Variants in ANGPT4 observed in about 807,000 individuals in gnomAD.
ANGPT4 encodes the protein angiopoietin 4, also known as angiopoietin-4.
A neutral mutation model predicts 53.0 loss-of-function variants in ANGPT4; 50 were observed. The ratio of observed to expected loss-of-function variants is 0.94; its 90% CI spans 0.75 to 1.20. The LOEUF is 1.20. ANGPT4 is among the 50% of genes most tolerant of loss of function. The probability of loss-of-function intolerance (pLI) is 0.00; values close to 1 mark genes in which losing one functional copy is unlikely to be tolerated. For missense variants in ANGPT4, 648 were observed against 637.1 expected (o/e 1.02, Z -0.18); for synonymous variants, 251 against 259.7 (o/e 0.97, Z 0.32).
chr20:873,857 C>T (rs1168636783), intron 8 of ANGPT4, among the ~76,000 whole-genome samples: 1 of 152,194 alleles, frequency 6.6e-6, no homozygotes, highest in African/African-American at 2.4e-5. Context: ...CTCCCATTCA[C>T]CCCACTTCCT....
chr20:885,294 T>G lies in ANGPT4; in HGVS notation c.619A>C (p.Thr207Pro). The G allele has an allele frequency of 6.3e-7, 1 of 1,585,150 alleles. No individual in the cohort carries two copies. Among genetic ancestry groups the G allele is most frequent in the Non-Finnish European group, 8.6e-7 (1 of 1,168,674 alleles). ...CTGGCCAGCTCCTCCTGCTGCTTGG[T>G]CTCCAGGGCCTGCAACCGCTTCTCG... is the stretch of plus-strand genomic sequence containing the variant. ...ALEKRLQALE[T>P]KQQEELASIL... is the part of the protein sequence containing the mutation. Residue 207 changes from threonine to proline, a missense_variant, in exon 4 of 9, where the codon ACC (threonine) becomes CCC (proline). Physicochemically the swap from Thr to Pro is conservative, Grantham distance 38 (BLOSUM62 -1). Transcript: ENST00000381922.
rs770965113 is a variant in ANGPT4, at chr20:881,297, A to C, written c.836-11T>G. 2.5e-6 allele frequency: 4 copies of C among 1,613,066 alleles called. No individual in the cohort carries two copies. The East Asian group carries it at 8.9e-5, about 36-fold the overall frequency. Reference sequence around the variant, plus strand: ...CTGCCATTATGAAGGCTGCAAAGGGACAACACAAAAGTCAGTTGGAGGTGG... The same window carrying C: ...CTGCCATTATGAAGGCTGCAAAGGGCCAACACAAAAGTCAGTTGGAGGTGG... On this transcript the variant is annotated splice_polypyrimidine_tract_variant and intron_variant, in intron 4 of 8. Coordinates refer to ENST00000381922, the MANE Select transcript of ANGPT4 (RefSeq NM_015985.4).
At chr20:888,273 C>A (rs748104054) in intron 3 of ANGPT4, 45 bp downstream of exon 3, 11 of 1,585,908 alleles carry the variant, frequency 6.9e-6, no homozygotes, top group Admixed American at 5.2e-5. Context: ...AACTTGACTC[C>A]AGCCCCAGCC....
At position 911,918 on chromosome 20, in the gene ANGPT4, C is replaced by G. The variant is rs553562273; in HGVS notation, c.309+3988G>C. Among the ~76,000 whole-genome samples the G allele has an allele frequency of 6.6e-6, 1 of 152,098 alleles. No individual in the cohort carries two copies. Among genetic ancestry groups the G allele is most frequent in the Non-Finnish European group, 1.5e-5 (1 of 67,976 alleles). On this transcript the variant is annotated intron_variant, in intron 1 of 8. Transcript: ENST00000381922. The surrounding 1 kb of genome is among the most constrained non-coding windows in gnomAD (Gnocchi z 4.9). ...AGACAGAGATAGACAGGGAGATAGG[C>G]AGAGAGAGGGCTGCCATGGACCCCA...
At chr20:878,096 G>A in intron 7 of ANGPT4, 65 bp downstream of exon 7, 1 of 1,520,580 alleles carries the variant, frequency 6.6e-7, no homozygotes, top group Non-Finnish European at 8.9e-7. Context: ...CACTAGCCTG[G>A]GGACCCCAGC....
At chr20:903,510 G>A (rs1982364517) in intron 1 of ANGPT4, among the ~76,000 whole-genome samples, 1 of 152,166 alleles carries the variant, frequency 6.6e-6, no homozygotes. Flanking sequence ...TCCACACATA[G>A]CCAGTGACGT....
chr20:901,216 A>G (rs2122844358), intron 1 of ANGPT4, among the ~76,000 whole-genome samples: 1 of 152,314 alleles, frequency 6.6e-6, no homozygotes, highest in South Asian at 2.1e-4. Context: ...TTAATATAAG[A>G]AGACAGGAAT....
rs201791557 is a variant in ANGPT4 at position 878,245 on chromosome 20, C to G, written c.1136G>C (p.Arg379Pro). ...GCCTTCCCAGTCTTGCAGCTCCACA[C>G]GCAGAGAGTAGGCTGCCCTTCTGGT... Reference protein sequence around the residue: ...QLTRRAAYSLRVELQDWEGHE... With the variant: ...QLTRRAAYSLPVELQDWEGHE... Residue 379 changes from arginine (R) to proline (P), a missense_variant, in exon 7 of 9, where the codon CGT (arginine) becomes CCT (proline). Coordinates refer to ENST00000381922, the MANE Select transcript of ANGPT4 (RefSeq NM_015985.4). The G allele has an allele frequency of 1.2e-6, 2 of 1,613,520 alleles. No individual in the cohort carries two copies. Among genetic ancestry groups the G allele is most frequent in the South Asian group, 1.1e-5 (1 of 91,080 alleles).
intron 1 of ANGPT4, among the ~76,000 whole-genome samples, chr20:903,842 G>T (rs1221338111): frequency 1.3e-5 from 2 of 152,186 alleles, no homozygotes; most frequent in African/African-American, 4.8e-5. Context: ...AGGGGTAGGA[G>T]CCCAGGCAGG....
At chr20:904,956 T>C (rs1982422341) in intron 1 of ANGPT4, among the ~76,000 whole-genome samples, 1 of 152,204 alleles carries the variant, frequency 6.6e-6, no homozygotes, top group African/African-American at 2.4e-5. Flanking sequence ...TTATGCCTAG[T>C]GGTTTCTGCC....
intron 1 of ANGPT4, among the ~76,000 whole-genome samples, chr20:902,063 A>G (rs1982306749): frequency 6.6e-6 from 1 of 152,236 alleles, no homozygotes; most frequent in Non-Finnish European, 1.5e-5. Flanking sequence ...AGAATGATCC[A>G]AATGATGTAT....
intron 4 of ANGPT4, among the ~76,000 whole-genome samples, chr20:882,074 T>G (rs6055542): frequency 0.27 from 40,655 of 152,076 alleles, 7,171 homozygotes; most frequent in African/African-American, 0.5. Flanking sequence ...CTTTTGGCTG[T>G]ATCTCCCTGC....
chr20:883,328 C>T (rs541899889), intron 4 of ANGPT4, among the ~76,000 whole-genome samples: 1 of 152,222 alleles, frequency 6.6e-6, no homozygotes, highest in Admixed American at 6.5e-5. Context: ...ATATCATGCA[C>T]AAGTTTGGTC....
chr20:874,121 G>T (rs1399952041), intron 8 of ANGPT4, among the ~76,000 whole-genome samples, 163 bp downstream of exon 8: 1 of 152,202 alleles, frequency 6.6e-6, no homozygotes, highest in African/African-American at 2.4e-5. Context: ...ATGGGGGAAG[G>T]CACCGAAGGG....
chr20:912,143 T>G (rs778362374), intron 1 of ANGPT4, among the ~76,000 whole-genome samples: 11 of 152,106 alleles, frequency 7.2e-5, no homozygotes, highest in Non-Finnish European at 1.2e-4. Context: ...AATGGATCAT[T>G]CTGTGGGGCC....
chr20:901,001 G>A (rs6055719), intron 1 of ANGPT4, among the ~76,000 whole-genome samples: 44,854 of 151,700 alleles, frequency 0.3, 8,362 homozygotes, highest in African/African-American at 0.53. Context: ...ACCCCACAAT[G>A]TCACCCTTTA....
At chr20:883,932 C>T (rs1280504947) in intron 4 of ANGPT4, among the ~76,000 whole-genome samples, 1 of 152,354 alleles carries the variant, frequency 6.6e-6, no homozygotes, top group Middle Eastern at 3.4e-3. Flanking sequence ...AGGCCTCAAA[C>T]CCCTACTCAG....
At chr20:874,852 A>C (rs1424360200) in intron 7 of ANGPT4, among the ~76,000 whole-genome samples, 1 of 152,110 alleles carries the variant, frequency 6.6e-6, no homozygotes, top group Non-Finnish European at 1.5e-5. Context: ...AAATGGGACA[A>C]TAGGCACGGG....
At position 909,615 on chromosome 20, in the gene ANGPT4, T is replaced by C. The variant is rs574595370; in HGVS notation, c.309+6291A>G. On this transcript the variant is annotated intron_variant, in intron 1 of 8. Transcript: ENST00000381922. Reference sequence around the variant, plus strand: ...CCTGTACTGAGCCCCACATGTGCATTGCCTCATTTAATCTCCTCAATAACC... The same window carrying C: ...CCTGTACTGAGCCCCACATGTGCATCGCCTCATTTAATCTCCTCAATAACC... Among the ~76,000 whole-genome samples the C allele has an allele frequency of 1.1e-4, 16 of 152,346 alleles. No homozygotes were observed. The South Asian group carries it at 2.5e-3, about 24-fold the overall frequency.
Sources: gnomAD v4.1 joint callset for allele counts (sites outside exome capture counted in the v4.1 genomes callset) on GRCh38, gnomAD v4.1.1 for gene constraint, Gnocchi (gnomAD v3.1) non-coding constraint, MANE v1.5 for transcripts, NCBI Gene and HGNC (gene_info 2026-07-23, HGNC 2026-07-21) for gene names.